The following HLCS variants were observed in gnomAD, a reference collection of about 807,000 sequenced individuals.
The protein encoded by HLCS is holocarboxylase synthetase.
HLCS carries 53 observed loss-of-function variants against 75.0 expected under a neutral mutation model. The observed-to-expected ratio is 0.71, with a 90% CI of 0.57 to 0.89. The LOEUF (loss-of-function observed/expected upper bound fraction) is 0.89. HLCS is among the 40% of genes least tolerant of loss of function. HLCS has a pLI of 0.00. For missense variants in HLCS, 966 were observed against 1,074.0 expected (o/e 0.90, Z 1.41); for synonymous variants, 431 against 428.6 (o/e 1.01, Z -0.07).
rs181590311 is a variant in HLCS, at chr21:36,847,784, T to C, written c.1892+49076A>G. On this transcript the variant is annotated intron_variant, in intron 6 of 10. Coordinates refer to ENST00000674895, the MANE Select transcript of HLCS (RefSeq NM_001352514.2). ...CAATACATATAAGAATTTTTTTTAA[T>C]TCAGAAAATTGCAGAGATAAGGGGA... Among the ~76,000 whole-genome samples the C allele has an allele frequency of 3.9e-5, 6 of 152,348 alleles. No individual in the cohort carries two copies. In the East Asian group the frequency reaches 1.2e-3, roughly 29 times the overall value.
intron 6 of HLCS, among the ~76,000 whole-genome samples, chr21:36,836,495 A>T (rs2146076306): frequency 8.0e-6 from 1 of 125,376 alleles, no homozygotes; most frequent in African/African-American, 3.1e-5. Context: ...CCAGAGTATG[A>T]TGTTTCCCTT....
chr21:36,765,224 G>A (rs993431623), intron 7 of HLCS, 52 bp from the exon 8 acceptor site: 8 of 1,555,626 alleles, frequency 5.1e-6, no homozygotes, highest in Admixed American at 1.7e-5. Context: ...GTGGACAGAC[G>A]CAGACACACG....
intron 6 of HLCS, among the ~76,000 whole-genome samples, chr21:36,872,258 TA>T (rs2063795871): frequency 6.6e-6 from 1 of 151,906 alleles, no homozygotes; most frequent in Non-Finnish European, 1.5e-5. Flanking sequence ...CCGTCTCTAC[TA>T]AAAATACAAA....
At chr21:36,945,049 A>G (rs60530122) in intron 2 of HLCS, among the ~76,000 whole-genome samples, 6,193 of 152,082 alleles carry the variant, frequency 0.041, 275 homozygotes, top group African/African-American at 0.12. Context: ...GAACCCAGGA[A>G]GCGGAACTTG....
In HLCS at chr21:36,961,956, G is replaced by GA. The variant is rs58618927; in HGVS notation, c.330+79dup. The GA allele has an allele frequency of 0.17, 109,758 of 663,686 alleles. 802 individuals carry two copies. Among genetic ancestry groups the GA allele is most frequent in the South Asian group, 0.26 (13,267 of 51,922 alleles). The allele number at this position is 663,686 out of a possible 1,614,324, so 41.1% of individuals were successfully genotyped here. On this transcript the variant is annotated intron_variant, in intron 2 of 10. Coordinates refer to ENST00000674895, the MANE Select transcript of HLCS (RefSeq NM_001352514.2). ...GTGACAGAGCAAGACTCTGTCTCAG[G>GA]AAAAAAAAAAAAAAAGCAAATTTGG...
chr21:36,966,728 C>A (rs565231750), upstream of HLCS: 13 of 535,566 alleles, frequency 2.4e-5, no homozygotes, highest in African/African-American at 4.2e-5. Flanking sequence ...GCCGCGCCGC[C>A]CCCCCGGGCC....
At chr21:36,977,601 T>C (rs1305311817) in intron 1 of HLCS, among the ~76,000 whole-genome samples, 1 of 152,264 alleles carries the variant, frequency 6.6e-6, no homozygotes, top group Non-Finnish European at 1.5e-5. Flanking sequence ...CCAGTCATCC[T>C]GCCCAGCAGC....
chr21:36,867,621 C>A (rs2063603201), intron 6 of HLCS, among the ~76,000 whole-genome samples: 1 of 152,182 alleles, frequency 6.6e-6, no homozygotes, highest in South Asian at 2.1e-4. Context: ...AAAGCAATGA[C>A]CAGATGACTG....
intron 5 of HLCS, among the ~76,000 whole-genome samples, chr21:36,913,664 G>T (rs1472182662): frequency 2.0e-5 from 3 of 152,142 alleles, no homozygotes; most frequent in Non-Finnish European, 4.4e-5. Flanking sequence ...GGGAAGCTGA[G>T]GCAGAAGATT....
chr21:36,817,161 T>A (rs1051947317), intron 6 of HLCS, among the ~76,000 whole-genome samples: 1 of 152,226 alleles, frequency 6.6e-6, no homozygotes, highest in Non-Finnish European at 1.5e-5. Context: ...CATACTCTTT[T>A]CAAAATGAAA....
chr21:36,942,963 C>T (rs1014384422), intron 2 of HLCS, among the ~76,000 whole-genome samples: 6 of 151,730 alleles, frequency 4.0e-5, no homozygotes, highest in African/African-American at 1.2e-4. Flanking sequence ...AATATACAAA[C>T]GCCCAATAAG....
chr21:36,870,435 A>G (rs984905505), intron 6 of HLCS, among the ~76,000 whole-genome samples: 4 of 152,176 alleles, frequency 2.6e-5, no homozygotes, highest in East Asian at 1.9e-4. Flanking sequence ...TTTCACTTAT[A>G]TGAGCATATT....
chr21:36,920,732 C>T (rs145752383), intron 5 of HLCS, among the ~76,000 whole-genome samples: 1,559 of 152,218 alleles, frequency 0.01, 29 homozygotes, highest in African/African-American at 0.035. Flanking sequence ...AGACACTACA[C>T]CTAACCCCAA....
At chr21:36,945,145 C>T (rs951049460) in intron 2 of HLCS, among the ~76,000 whole-genome samples, 2 of 151,996 alleles carry the variant, frequency 1.3e-5, no homozygotes, top group African/African-American at 4.8e-5. Flanking sequence ...TTGCACTATT[C>T]CTCTGCTTAA....
At chr21:36,876,640 A>T (rs2063990920) in intron 6 of HLCS, among the ~76,000 whole-genome samples, 1 of 152,128 alleles carries the variant, frequency 6.6e-6, no homozygotes. Flanking sequence ...CAATCACTTT[A>T]GGCTTTTGGA....
At position 36,960,372 on chromosome 21, in the gene HLCS, G is replaced by A. The variant is rs148820052; in HGVS notation, c.330+1664C>T. Among the ~76,000 whole-genome samples, 1,429 of 152,236 alleles carry A rather than the reference G, an allele frequency of 9.4e-3. 15 individuals carry two copies. Among genetic ancestry groups the A allele is most frequent in the South Asian group, 0.038 (182 of 4,816 alleles). On this transcript the variant is annotated intron_variant, in intron 2 of 10. Coordinates refer to ENST00000674895, the MANE Select transcript of HLCS (RefSeq NM_001352514.2). The stretch of plus-strand genomic sequence containing the variant: ...AGGATCCTGTGACATTAGGGGTAAC[G>A]TTTATAAAATACCTAGCAAGGGCTC...
At chr21:36,798,149 T>C (rs562919848) in intron 6 of HLCS, among the ~76,000 whole-genome samples, 1 of 152,290 alleles carries the variant, frequency 6.6e-6, no homozygotes, top group South Asian at 2.1e-4. Flanking sequence ...TAGCGTGTGC[T>C]TGACCTGAGG....
intron 5 of HLCS, among the ~76,000 whole-genome samples, chr21:36,901,772 T>C (rs539949423): frequency 6.6e-6 from 1 of 152,348 alleles, no homozygotes; most frequent in Non-Finnish European, 1.5e-5. Flanking sequence ...TGACCTCATC[T>C]TCACTTGATT....
At chr21:36,973,469 C>T (rs2068850407) in intron 1 of HLCS, 1 of 152,054 alleles carries the variant, frequency 6.6e-6, no homozygotes, top group African/African-American at 2.4e-5. Context: ...AAATTAAGAC[C>T]TTCATGAGAA....
Sources: gnomAD v4.1 joint callset for allele counts (sites outside exome capture counted in the v4.1 genomes callset) on GRCh38, gnomAD v4.1.1 for gene constraint, MANE v1.5 for transcripts, NCBI Gene and HGNC (gene_info 2026-07-23, HGNC 2026-07-21) for gene names.